AP2B1: variants seen among roughly 807,000 people sequenced by gnomAD.
AP2B1 encodes AP-2 complex subunit beta.
AP2B1 carries 23 observed loss-of-function variants against 102.0 expected under a neutral mutation model. That is an observed-to-expected ratio of 0.23 (90% confidence interval 0.16 to 0.32). AP2B1 has a LOEUF of 0.32. Ranked by LOEUF, AP2B1 falls within the 10% of genes least tolerant of loss-of-function variation. The pLI is 1.00. For synonymous variants in AP2B1, 381 were observed against 421.2 expected (o/e 0.90, Z 1.17); for missense variants, 541 against 1,157.4 (o/e 0.47, Z 7.73).
At chr17:35,591,896 C>T (rs1003765248) in intron 1 of AP2B1, among the ~76,000 whole-genome samples, 1 of 152,154 alleles carries the variant, frequency 6.6e-6, no homozygotes, top group African/African-American at 2.4e-5. Flanking sequence ...GGAGAAATTT[C>T]TATATTCTGT....
At chr17:35,596,519 C>CTT (rs35095177) in intron 2 of AP2B1, among the ~76,000 whole-genome samples, 3,637 of 143,478 alleles carry the variant, frequency 0.025, 76 homozygotes, top group African/African-American at 0.06. Context: ...CTATTTCTTT[C>CTT]TTTTTTTTTT....
chr17:35,593,991 CT>C lies in AP2B1; in HGVS notation c.-23-13del. ...TATCTATAACCTGAATGAAGGAATT[CT>C]TTTCTCTTGCTATAGGTGCACATTA... On this transcript the variant is annotated splice_polypyrimidine_tract_variant and intron_variant, in intron 1 of 21. Coordinates refer to ENST00000610402, the MANE Select transcript of AP2B1 (RefSeq NM_001030006.2). 6.8e-7 allele frequency: 1 copy of C among 1,470,854 alleles called. No homozygotes were observed. The highest frequency in any genetic ancestry group is 9.2e-7 in the Non-Finnish European group (1 of 1,083,066). The allele number at this position is 1,470,854 out of a possible 1,614,324, so 91.1% of individuals were successfully genotyped here. A position where few individuals can be genotyped will look rare whatever the true frequency, so the allele number is the denominator to read the frequency against.
chr17:35,632,326 G>A (rs543508926), intron 9 of AP2B1, among the ~76,000 whole-genome samples: 2 of 151,986 alleles, frequency 1.3e-5, no homozygotes, highest in Admixed American at 6.6e-5. Context: ...GTAGAAACAG[G>A]GTTTCACCAT....
chr17:35,718,455 A>G (rs981259544), intron 21 of AP2B1, among the ~76,000 whole-genome samples: 14 of 150,618 alleles, frequency 9.3e-5, no homozygotes, highest in Non-Finnish European at 7.4e-5. Context: ...CCTCTCCCCA[A>G]CCCCCCACCA....
chr17:35,709,259 C>T lies in AP2B1; in HGVS notation c.2490C>T (p.Phe830=). 6.2e-7 allele frequency: 1 copy of T among 1,614,166 alleles called. No individual in the cohort carries two copies. Among genetic ancestry groups the T allele is most frequent in the Admixed American group, 1.7e-5 (1 of 60,020 alleles). Residue 830 remains phenylalanine (F), a synonymous_variant, in exon 19 of 22, where the codon TTC becomes TTT. Coordinates refer to ENST00000610402, the MANE Select transcript of AP2B1 (RefSeq NM_001030006.2). Reference sequence around the variant, plus strand: ...AAAACAATATCGATGTCTTCTACTTCAGCTGCCTCATCCCACTCAATGTGC... The same window carrying T: ...AAAACAATATCGATGTCTTCTACTTTAGCTGCCTCATCCCACTCAATGTGC... ...AVKNNIDVFY[F]SCLIPLNVLF...
intron 9 of AP2B1, among the ~76,000 whole-genome samples, chr17:35,629,791 A>G (rs915594699): frequency 2.0e-5 from 3 of 152,192 alleles, no homozygotes; most frequent in South Asian, 2.1e-4. Context: ...TGAAGAGCCT[A>G]TCTGGTCTTA....
chr17:35,593,996 C>T lies in AP2B1; in HGVS notation c.-23-12C>T. On this transcript the variant is annotated splice_polypyrimidine_tract_variant and intron_variant, in intron 1 of 21. Coordinates refer to ENST00000610402, the MANE Select transcript of AP2B1 (RefSeq NM_001030006.2). ...ATAACCTGAATGAAGGAATTCTTTT[C>T]TCTTGCTATAGGTGCACATTAAAGA... is the stretch of plus-strand genomic sequence containing the variant. The T allele has an allele frequency of 1.3e-6, 2 of 1,497,428 alleles. No homozygotes were observed. The highest frequency in any genetic ancestry group is 1.8e-6 in the Non-Finnish European group (2 of 1,105,406). 92.8% of individuals were successfully genotyped at this position (1,497,428 alleles called of 1,614,324 possible).
At chr17:35,629,191 G>A (rs1026358313) in intron 9 of AP2B1, among the ~76,000 whole-genome samples, 25 of 152,138 alleles carry the variant, frequency 1.6e-4, no homozygotes, top group African/African-American at 5.5e-4. Context: ...CAAGTGATCC[G>A]CCTGCCTCAG....
chr17:35,601,712 T>G (rs1567781471), intron 3 of AP2B1, among the ~76,000 whole-genome samples: 3 of 152,240 alleles, frequency 2.0e-5, no homozygotes, highest in Admixed American at 6.5e-5. Flanking sequence ...AAGGGCTGTT[T>G]TTGCCAAAGA....
chr17:35,607,544 C>A (rs972117139), intron 4 of AP2B1, among the ~76,000 whole-genome samples: 6 of 152,148 alleles, frequency 3.9e-5, no homozygotes, highest in African/African-American at 1.4e-4. Flanking sequence ...GTTCTTTCTC[C>A]ATATTCTATT....
intron 1 of AP2B1, among the ~76,000 whole-genome samples, chr17:35,591,674 T>A (rs775540913): frequency 2.0e-5 from 3 of 152,256 alleles, no homozygotes; most frequent in Non-Finnish European, 4.4e-5. Flanking sequence ...CTGGTTTTTC[T>A]GTTTGTATAT....
chr17:35,712,166 A>G (rs1454438368), intron 20 of AP2B1, among the ~76,000 whole-genome samples: 1 of 152,178 alleles, frequency 6.6e-6, no homozygotes, highest in Non-Finnish European at 1.5e-5. Flanking sequence ...AGAAGATGAC[A>G]GTGTCATCTT....
intron 10 of AP2B1, 71 bp downstream of exon 10, chr17:35,636,527 TAGG>T: frequency 8.8e-7 from 1 of 1,132,506 alleles, no homozygotes; most frequent in Non-Finnish European, 1.3e-6. Context: ...TGAAATTGCC[TAGG>T]TAAGAATTAC....
chr17:35,604,520 G>A (rs1410082864), intron 3 of AP2B1, among the ~76,000 whole-genome samples: 1 of 152,012 alleles, frequency 6.6e-6, no homozygotes, highest in East Asian at 1.9e-4. Flanking sequence ...AACTTTGGGA[G>A]GCCAAGGCAG....
At chr17:35,693,713 C>A (rs764641967) in intron 18 of AP2B1, among the ~76,000 whole-genome samples, 10 of 152,090 alleles carry the variant, frequency 6.6e-5, no homozygotes, top group Non-Finnish European at 1.5e-4. Context: ...TTTCCAGGAA[C>A]CCCTGAAGGA....
At chr17:35,643,073 C>G (rs2074829525) in intron 12 of AP2B1, among the ~76,000 whole-genome samples, 1 of 149,408 alleles carries the variant, frequency 6.7e-6, no homozygotes, top group South Asian at 2.1e-4. Flanking sequence ...TTTTAAACTC[C>G]TAAGTCAGGA....
Position 35,671,387 on chromosome 17 carries a change from T to A in AP2B1, c.2032-367T>A, listed in dbSNP as rs182752817. ...CCCAGGTGGAAATGGAACTGCTGTT[T>A]AAGTTGGATACTTCTCCCTCTTTCT... On this transcript the variant is annotated intron_variant, in intron 15 of 21. Coordinates refer to ENST00000610402, the MANE Select transcript of AP2B1 (RefSeq NM_001030006.2). Among the ~76,000 whole-genome samples, 148 of 152,314 alleles carry A rather than the reference T, an allele frequency of 9.7e-4. 4 individuals are homozygous for A. Among genetic ancestry groups the A allele is most frequent in the Admixed American group, 5.7e-3 (87 of 15,298 alleles).
At chr17:35,660,398 C>T (rs76233089) in intron 14 of AP2B1, among the ~76,000 whole-genome samples, 103 of 151,978 alleles carry the variant, frequency 6.8e-4, no homozygotes, top group Non-Finnish European at 1.2e-3. Flanking sequence ...CATAGAATAT[C>T]TTGTGACCAC....
chr17:35,621,345 A>T (rs2074171335), intron 5 of AP2B1: 1 of 985,274 alleles, frequency 1.0e-6, no homozygotes, highest in Admixed American at 6.1e-5. Flanking sequence ...CGGACCAGGA[A>T]AACTGAGAGT....
Sources: allele counts gnomAD v4.1 joint callset (sites outside exome capture counted in the v4.1 genomes callset), GRCh38; gene constraint gnomAD v4.1.1; transcripts MANE v1.5; gene names NCBI Gene and HGNC (gene_info 2026-07-23, HGNC 2026-07-21).